The following FCHO1 variants were observed in gnomAD, a reference collection of about 807,000 sequenced individuals.
FCHO1 encodes F-BAR domain only protein 1.
FCHO1 carries 45 observed loss-of-function variants against 114.4 expected under a neutral mutation model. That is an observed-to-expected ratio of 0.39 (90% CI 0.31 to 0.50). FCHO1 has a LOEUF of 0.50. Among genes scored for constraint, FCHO1 ranks in the 20% least tolerant of loss-of-function variants. The probability of loss-of-function intolerance (pLI) is 0.77; values close to 1 mark genes in which losing one functional copy is unlikely to be tolerated. For synonymous variants in FCHO1, 480 were observed against 488.9 expected, an observed-to-expected ratio of 0.98 and a Z score of 0.24; for missense variants, 1,042 against 1,209.6, an observed-to-expected ratio of 0.86 and a Z score of 2.06.
intron 13 of FCHO1, 80 bp from the exon 14 acceptor site, chr19:17,774,976 C>T (rs1238074466): frequency 3.3e-6 from 5 of 1,516,638 alleles, no homozygotes; most frequent in Non-Finnish European, 4.6e-6. Flanking sequence ...CCCCAGCTTC[C>T]ATGTCCAGTG....
intron 4 of FCHO1, among the ~76,000 whole-genome samples, chr19:17,761,969 T>TTTCTTTCATTCATTCATTCA (rs1555717282): frequency 6.8e-6 from 1 of 148,114 alleles, no homozygotes; most frequent in African/African-American, 2.5e-5. Flanking sequence ...TTTATTTTTA[T>TTTCTTTCATTCATTCATTCA]TTCATTCATT....
At chr19:17,782,643 A>G (rs1158232263) in intron 23 of FCHO1, among the ~76,000 whole-genome samples, 2 of 152,178 alleles carry the variant, frequency 1.3e-5, no homozygotes, top group African/African-American at 4.8e-5. Context: ...GAGTGCAGGG[A>G]TATATATTGG....
At chr19:17,768,316 C>T (rs879354673) in intron 7 of FCHO1, among the ~76,000 whole-genome samples, 3 of 152,074 alleles carry the variant, frequency 2.0e-5, no homozygotes, top group Non-Finnish European at 2.9e-5. Context: ...GTGATCTGCC[C>T]GCCTCAGCCT....
intron 7 of FCHO1, among the ~76,000 whole-genome samples, chr19:17,769,706 A>G (rs1038586572): frequency 1.3e-5 from 2 of 152,138 alleles, no homozygotes; most frequent in Admixed American, 1.3e-4. Context: ...ATCTTTATCC[A>G]TATGCGGATT....
intron 7 of FCHO1, among the ~76,000 whole-genome samples, chr19:17,768,511 G>A (rs2090186028): frequency 6.6e-6 from 1 of 152,012 alleles, no homozygotes. Flanking sequence ...GGCCAACATG[G>A]TGAAACCCTG....
Position 17,775,814 on chromosome 19 carries a change from G to A in FCHO1, c.1004-169G>A, listed in dbSNP as rs908705472. ...GCTTGTGCAAAGGCTTCTCGGGGGG[G>A]GTGGGAGTGCTGGTGGGACATGGTG... On this transcript the variant is annotated intron_variant, in intron 15 of 28. Coordinates refer to ENST00000596536, the MANE Select transcript of FCHO1 (RefSeq NM_015122.3). The surrounding 1 kb of genome is among the most constrained non-coding windows in gnomAD (Gnocchi z 5.1). Among the ~76,000 whole-genome samples the A allele has an allele frequency of 2.0e-5, 3 of 152,014 alleles. No individual in the cohort carries two copies. Among genetic ancestry groups the A allele is most frequent in the Admixed American group, 2.0e-4 (3 of 15,228 alleles).
intron 7 of FCHO1, among the ~76,000 whole-genome samples, chr19:17,769,511 G>A (rs1012918746): frequency 1.8e-4 from 27 of 151,498 alleles, no homozygotes; most frequent in Non-Finnish European, 2.5e-4. Flanking sequence ...CCCGGGAGGC[G>A]GAGCTTGCAG....
intron 9 of FCHO1, among the ~76,000 whole-genome samples, chr19:17,771,340 C>T (rs1055366190): frequency 2.8e-5 from 4 of 143,568 alleles, no homozygotes; most frequent in African/African-American, 1.0e-4. Context: ...AGCCTTCATT[C>T]AAACCGACAG....
At chr19:17,748,511 G>GGT (rs1055843599), upstream of FCHO1, among the ~76,000 whole-genome samples, 8 of 151,812 alleles carry the variant, frequency 5.3e-5, no homozygotes, top group Admixed American at 2.0e-4. Flanking sequence ...TGGACTTGGG[G>GGT]GGGGGGTCCC....
At chr19:17,770,352 C>T in intron 7 of FCHO1, 73 bp from the exon 8 acceptor site, 1 of 1,427,754 alleles carries the variant, frequency 7.0e-7, no homozygotes, top group Non-Finnish European at 9.4e-7. Context: ...GACTGTGGAG[C>T]TGACATCACG....
At position 17,773,905 on chromosome 19, in the gene FCHO1, T is replaced by C. The variant is rs367602809; in HGVS notation, c.791-334T>C. On this transcript the variant is annotated intron_variant, in intron 11 of 28. Coordinates refer to ENST00000596536, the MANE Select transcript of FCHO1 (RefSeq NM_015122.3). ...AGTTTCTTTCTCTCTCTCTCTCTCT[T>C]TTTTTTTTTTTTTTAATTTTTTTGA... Among the ~76,000 whole-genome samples, 246 of 26,478 alleles carry C rather than the reference T, an allele frequency of 9.3e-3. 2 individuals carry two copies. Among genetic ancestry groups the C allele is most frequent in the South Asian group, 0.014 (12 of 838 alleles). The allele number at this position is 26,478 out of a possible 152,430, so 17.4% of individuals were successfully genotyped here.
upstream of FCHO1, among the ~76,000 whole-genome samples, chr19:17,750,042 G>A (rs547620815): frequency 4.1e-4 from 62 of 152,306 alleles, no homozygotes; most frequent in African/African-American, 1.3e-3. Flanking sequence ...CCCAGGATGG[G>A]AGCTCGGGTC....
At chr19:17,760,024 T>C (rs1229639697) in intron 4 of FCHO1, among the ~76,000 whole-genome samples, 2 of 149,134 alleles carry the variant, frequency 1.3e-5, no homozygotes, top group East Asian at 4.0e-4. Context: ...TCCTGAAATA[T>C]GTTGTGTCTC....
chr19:17,753,107 A>G (rs1049806250), intron 1 of FCHO1, among the ~76,000 whole-genome samples: 3 of 152,038 alleles, frequency 2.0e-5, no homozygotes, highest in African/African-American at 7.2e-5. Flanking sequence ...TTAAGTCACC[A>G]CATGGGGCTA....
rs143634951 is a variant in FCHO1 at position 17,781,490 on chromosome 19, C to G, written c.1779C>G (p.Ala593=). 1 of 1,614,068 alleles carries G rather than the reference C, an allele frequency of 6.2e-7. No individual in the cohort carries two copies. Among genetic ancestry groups the G allele is most frequent in the Non-Finnish European group, 8.5e-7 (1 of 1,180,002 alleles). Residue 593 remains alanine (A), a synonymous_variant, in exon 22 of 29, where the codon GCC becomes GCG. Transcript: ENST00000596536. Reference sequence around the variant, plus strand: ...GCCCCTCCCCACTGGGCTCTTCAGCCGCCAGCACTGCCTTGGAACGGCCCA... The same window carrying G: ...GCCCCTCCCCACTGGGCTCTTCAGCGGCCAGCACTGCCTTGGAACGGCCCA... ...SLSPSPLGSS[A]ASTALERPSF...
rs779163117 is a variant in FCHO1, at chr19:17,778,609, G to C, written c.1352G>C (p.Gly451Ala). ...ESAFDHEDFT[G>A]SSSLGFTSSP... ...CTGACCGCCCGCTTCCCTCCCCAAG[G>C]CTCTAGCAGCCTGGGCTTCACCTCC... The change falls in exon 20 of 29, where the codon GGC (glycine) becomes GCC (alanine). Residue 451 changes from glycine to alanine, a missense_variant and splice_region_variant. Gly to Ala is a moderately conservative substitution (Grantham distance 60). Coordinates refer to ENST00000596536, the MANE Select transcript of FCHO1 (RefSeq NM_015122.3). The C allele has an allele frequency of 1.9e-6, 3 of 1,553,132 alleles. No homozygotes were observed. Among genetic ancestry groups the C allele is most frequent in the South Asian group, 2.4e-5 (2 of 84,196 alleles).
Position 17,776,359 on chromosome 19 carries a change from C to A in FCHO1, c.1207+88C>A. 1 of 1,544,652 alleles carries A rather than the reference C, an allele frequency of 6.5e-7. No homozygotes were observed. Among genetic ancestry groups the A allele is most frequent in the Non-Finnish European group, 9.0e-7 (1 of 1,116,986 alleles). On this transcript the variant is annotated intron_variant, in intron 17 of 28. Coordinates refer to ENST00000596536, the MANE Select transcript of FCHO1 (RefSeq NM_015122.3). The surrounding 1 kb of genome is among the most constrained non-coding windows in gnomAD (Gnocchi z 4.4). ...CTTGAATCATAACTCCGTTTTGTAA[C>A]TTTGGGCAGGCTGCTTAACCACACT...
chr19:17,775,387 G>A lies in FCHO1; in HGVS notation c.946-69G>A. ...AGGCCTGGGGGCAGGGCGGGGGGCGGTTGGCAGGGTGAGATGGAAGGTTCG... is the reference window on the plus strand; with the variant it reads ...AGGCCTGGGGGCAGGGCGGGGGGCGATTGGCAGGGTGAGATGGAAGGTTCG... On this transcript the variant is annotated intron_variant, in intron 14 of 28. Transcript: ENST00000596536. This position sits in a 1 kb window ranked among gnomAD's most constrained non-coding sequence, Gnocchi z 5.1. 1.3e-6 allele frequency: 2 copies of A among 1,500,200 alleles called. No homozygotes were observed. Among genetic ancestry groups the A allele is most frequent in the African/African-American group, 1.4e-5 (1 of 72,688 alleles). The allele number at this position is 1,500,200 out of a possible 1,614,324, so 92.9% of individuals were successfully genotyped here.
chr19:17,753,003 G>C (rs2082370649), intron 1 of FCHO1, among the ~76,000 whole-genome samples: 1 of 152,116 alleles, frequency 6.6e-6, no homozygotes, highest in African/African-American at 2.4e-5. Flanking sequence ...GCTCCCTTGA[G>C]CCTGGGAGGT....
Sources: gnomAD v4.1 joint callset for allele counts (sites outside exome capture counted in the v4.1 genomes callset) on GRCh38, gnomAD v4.1.1 for gene constraint, Gnocchi (gnomAD v3.1) non-coding constraint, MANE v1.5 for transcripts, NCBI Gene and HGNC (gene_info 2026-07-23, HGNC 2026-07-21) for gene names.